RANBP2: variants seen among roughly 807,000 people sequenced by gnomAD.
RANBP2 encodes E3 SUMO-protein ligase RanBP2.
Under a neutral mutation model 303.6 loss-of-function variants are expected in RANBP2, and 57 were observed. The observed-to-expected ratio is 0.19, with a 90% CI of 0.15 to 0.23. RANBP2 has a LOEUF of 0.23. Among genes scored for constraint, RANBP2 ranks in the 10% least tolerant of loss-of-function variants. RANBP2 has a pLI of 1.00. For missense variants in RANBP2, 3,138 were observed against 3,780.8 expected, an observed-to-expected ratio of 0.83 and a Z score of 4.46; for synonymous variants, 1,167 against 1,301.5, an observed-to-expected ratio of 0.90 and a Z score of 2.23.
the RANBP2 span, among the ~76,000 whole-genome samples, chr2:108,935,852 C>A: frequency 6.6e-6 from 1 of 152,200 alleles, no homozygotes; most frequent in South Asian, 2.1e-4. Flanking sequence ...TCATTATATA[C>A]AAGTTTGGCC....
At chr2:109,300,147 G>C in the RANBP2 span, among the ~76,000 whole-genome samples, 7 of 152,132 alleles carry the variant, frequency 4.6e-5, no homozygotes, top group Non-Finnish European at 7.3e-5. Flanking sequence ...TGCACACACA[G>C]GGATGGGAAG....
chr2:108,951,134 G>A, the RANBP2 span, among the ~76,000 whole-genome samples: 2 of 152,234 alleles, frequency 1.3e-5, no homozygotes, highest in Non-Finnish European at 2.9e-5. Context: ...CATCCTGAGA[G>A]GATTCTATGT....
At chr2:109,280,069 T>C in the RANBP2 span, among the ~76,000 whole-genome samples, 1 of 152,172 alleles carries the variant, frequency 6.6e-6, no homozygotes, top group Non-Finnish European at 1.5e-5. Flanking sequence ...CCTCCTATTT[T>C]TTTCGATCCC....
the RANBP2 span, among the ~76,000 whole-genome samples, chr2:108,805,801 CTA>C: frequency 1.3e-4 from 20 of 152,090 alleles, no homozygotes; most frequent in Middle Eastern, 3.4e-3. Context: ...TGAGTTATGT[CTA>C]TTTTTTTCCT....
Position 108,764,767 on chromosome 2 carries a change from T to C in RANBP2, c.4228T>C (p.Leu1410=), listed in dbSNP as rs571761202. 1.2e-6 allele frequency: 2 copies of C among 1,614,100 alleles called. No individual in the cohort carries two copies. The highest frequency in any genetic ancestry group is 1.7e-6 in the Non-Finnish European group (2 of 1,179,968). Residue 1410 remains leucine (L), a synonymous_variant, in exon 20 of 29, where the codon TTG becomes CTG. Transcript: ENST00000283195. Reference sequence around the variant, plus strand: ...AGAGAATGTTCAAGATCGATTTGCATTGGTGACTCCAAAGAAAGAAGGTCA... The same window carrying C: ...AGAGAATGTTCAAGATCGATTTGCACTGGTGACTCCAAAGAAAGAAGGTCA... ...SPENVQDRFA[L]VTPKKEGHWD...
At chr2:109,071,285 G>A in the RANBP2 span, among the ~76,000 whole-genome samples, 521 of 152,350 alleles carry the variant, frequency 3.4e-3, no homozygotes, top group African/African-American at 0.012. Flanking sequence ...TGGATACAGA[G>A]ATATGGAAGA....
the RANBP2 span, among the ~76,000 whole-genome samples, chr2:109,655,571 C>G: frequency 6.6e-6 from 1 of 151,908 alleles, no homozygotes; most frequent in African/African-American, 2.4e-5. Context: ...GGGTCAGCAC[C>G]CACCCAGTGT....
the RANBP2 span, among the ~76,000 whole-genome samples, chr2:109,013,480 T>C: frequency 2.0e-5 from 3 of 152,154 alleles, no homozygotes; most frequent in Non-Finnish European, 4.4e-5. Context: ...AAAGTACAAA[T>C]ACATCATTAG....
At chr2:109,230,115 C>T in the RANBP2 span, among the ~76,000 whole-genome samples, 1 of 152,090 alleles carries the variant, frequency 6.6e-6, no homozygotes, top group Non-Finnish European at 1.5e-5. Flanking sequence ...CGAGCCACCG[C>T]ACCTGGCCGA....
intron 1 of RANBP2, among the ~76,000 whole-genome samples, chr2:108,723,362 C>T (rs1394182334): frequency 1.3e-5 from 2 of 150,974 alleles, no homozygotes; most frequent in Non-Finnish European, 1.5e-5. Context: ...TCACTGCAAA[C>T]TCTGCCTCCC....
chr2:108,791,832 C>T, the RANBP2 span: 1 of 1,541,128 alleles, frequency 6.5e-7, no homozygotes, highest in East Asian at 2.3e-5. Context: ...ACAATCAATT[C>T]AGTAGTAACT....
chr2:108,827,475 T>G, the RANBP2 span, among the ~76,000 whole-genome samples: 1 of 152,164 alleles, frequency 6.6e-6, no homozygotes, highest in Admixed American at 6.5e-5. Context: ...ATAGGAAGAT[T>G]TATTATGACA....
chr2:109,155,155 G>C, the RANBP2 span, among the ~76,000 whole-genome samples: 1 of 152,202 alleles, frequency 6.6e-6, no homozygotes, highest in African/African-American at 2.4e-5. Flanking sequence ...ATGTTCGGTG[G>C]TGTTCGGCAT....
the RANBP2 span, among the ~76,000 whole-genome samples, chr2:108,906,133 C>A: frequency 6.6e-6 from 1 of 152,218 alleles, no homozygotes; most frequent in African/African-American, 2.4e-5. Context: ...TATCTGGGAA[C>A]AAGATTCTGT....
At chr2:108,806,839 C>T in the RANBP2 span, among the ~76,000 whole-genome samples, 1 of 152,116 alleles carries the variant, frequency 6.6e-6, no homozygotes, top group East Asian at 1.9e-4. Context: ...TAAGTCTAGC[C>T]AAGCTGAGGA....
the RANBP2 span, among the ~76,000 whole-genome samples, chr2:109,294,348 TC>T: frequency 6.6e-6 from 1 of 151,788 alleles, no homozygotes; most frequent in Non-Finnish European, 1.5e-5. Flanking sequence ...ATCGCTTGAG[TC>T]CAGGAGCTCG....
chr2:108,963,866 C>A, the RANBP2 span, among the ~76,000 whole-genome samples: 1 of 152,072 alleles, frequency 6.6e-6, no homozygotes, highest in African/African-American at 2.4e-5. Flanking sequence ...GGAGAGACAC[C>A]CACACACTCA....
At chr2:109,617,169 T>C in the RANBP2 span, 30 of 166,624 alleles carry the variant, frequency 1.8e-4, no homozygotes, top group Non-Finnish European at 3.1e-4. Context: ...AGCAATGTTT[T>C]ACAAATGTTT....
At chr2:109,391,264 G>C in the RANBP2 span, among the ~76,000 whole-genome samples, 1 of 152,260 alleles carries the variant, frequency 6.6e-6, no homozygotes, top group Non-Finnish European at 1.5e-5. Context: ...CAGCTTGCCA[G>C]CCCATTGGGC....
Sources: allele counts gnomAD v4.1 joint callset (sites outside exome capture counted in the v4.1 genomes callset), GRCh38; gene constraint gnomAD v4.1.1; transcripts MANE v1.5; gene names NCBI Gene and HGNC (gene_info 2026-07-23, HGNC 2026-07-21).